Variants in ARCN1 observed in about 807,000 individuals in gnomAD.
ARCN1 encodes the protein archain 1 coat protein complex I subunit delta, also known as coatomer subunit delta.
In ARCN1, 5 loss-of-function variants were observed where a neutral mutation model predicts 60.4. The observed-to-expected ratio is 0.08, with a 90% CI of 0.04 to 0.17. The LOEUF is 0.17. ARCN1 is among the 10% of genes least tolerant of loss of function. The probability of loss-of-function intolerance (pLI) is 1.00; values close to 1 mark genes in which losing one functional copy is unlikely to be tolerated. For synonymous variants in ARCN1, 224 were observed against 220.0 expected, an observed-to-expected ratio of 1.02 and a Z score of -0.16; for missense variants, 464 against 626.5, an observed-to-expected ratio of 0.74 and a Z score of 2.77.
At chr11:118,598,488 A>ATTTTTTT (rs1174732773) in intron 9 of ARCN1, among the ~76,000 whole-genome samples, 1 of 111,130 alleles carries the variant, frequency 9.0e-6, no homozygotes, top group African/African-American at 3.5e-5. Context: ...GTTCCTTCGG[A>ATTTTTTT]TTTTTTTTTT....
chr11:118,581,015 A>T (rs1938637293), intron 1 of ARCN1, among the ~76,000 whole-genome samples: 1 of 152,136 alleles, frequency 6.6e-6, no homozygotes, highest in African/African-American at 2.4e-5. Flanking sequence ...ACACACTTGT[A>T]GTCCCAGCCA....
chr11:118,592,402 C>T (rs1421835187), intron 6 of ARCN1, among the ~76,000 whole-genome samples: 2 of 152,062 alleles, frequency 1.3e-5, no homozygotes, highest in East Asian at 3.9e-4. Context: ...TGAACCTGCT[C>T]CCTGTGAAGT....
At position 118,581,925 on chromosome 11, in the gene ARCN1, G is replaced by GACACACACACACACACAC. The variant is rs1361432735; in HGVS notation, c.267+419_267+420insCACACACACACACACACA. ...GGTAAGACTTACTGATCCAGAGACAGACAGACAGACAGACACACACACACA... is the reference window on the plus strand; with the variant it reads ...GGTAAGACTTACTGATCCAGAGACAGACACACACACACACACACACAGACAGACAGACACACACACACA... On this transcript the variant is annotated intron_variant, in intron 2 of 9. Transcript: ENST00000264028. Among the ~76,000 whole-genome samples, 799 of 121,008 alleles carry GACACACACACACACACAC rather than the reference G, an allele frequency of 6.6e-3. 10 individuals are homozygous for GACACACACACACACACAC. Among genetic ancestry groups the GACACACACACACACACAC allele is most frequent in the Non-Finnish European group, 9.7e-3 (547 of 56,298 alleles). 79.4% of individuals were successfully genotyped at this position (121,008 alleles called of 152,430 possible).
chr11:118,586,222 A>G (rs1280340458), intron 5 of ARCN1, among the ~76,000 whole-genome samples: 3 of 151,938 alleles, frequency 2.0e-5, no homozygotes, highest in Admixed American at 2.0e-4. Flanking sequence ...CAGCCTCCCA[A>G]GTGGCTGGGA....
At chr11:118,583,713 G>A (rs1565361169) in intron 3 of ARCN1, 96 bp from the exon 4 acceptor site, 1 of 1,269,416 alleles carries the variant, frequency 7.9e-7, no homozygotes, top group South Asian at 1.4e-5. Flanking sequence ...AGCTGTGATT[G>A]TGCCACTTGC....
chr11:118,581,394 C>T lies in ARCN1; in HGVS notation c.152C>T (p.Thr51Ile). 2 of 1,614,120 alleles carry T rather than the reference C, an allele frequency of 1.2e-6. No homozygotes were observed. Among genetic ancestry groups the T allele is most frequent in the Middle Eastern group, 1.6e-4 (1 of 6,062 alleles). The stretch of plus-strand genomic sequence containing the variant: ...GGAAAACAACATACGTTTGTTGAAA[C>T]AGAGAGTGTAAGATATGTCTACCAG... ...NTGKQHTFVETESVRYVYQPM... is the reference protein window; with the variant it reads ...NTGKQHTFVEIESVRYVYQPM... The change falls in exon 2 of 10, where the codon ACA becomes ATA. Residue 51 changes from threonine (T) to isoleucine (I), a missense_variant. Physicochemically the swap from Thr to Ile is moderately conservative, Grantham distance 89. Transcript: ENST00000264028.
At chr11:118,574,932 T>G (rs1328983303) in intron 1 of ARCN1, among the ~76,000 whole-genome samples, 2 of 151,894 alleles carry the variant, frequency 1.3e-5, no homozygotes, top group Non-Finnish European at 2.9e-5. Context: ...TGATTTGATC[T>G]TTTTTTTGTA....
At chr11:118,573,122 C>T (rs1938392555) in intron 1 of ARCN1, among the ~76,000 whole-genome samples, 1 of 152,178 alleles carries the variant, frequency 6.6e-6, no homozygotes, top group Admixed American at 6.5e-5. Flanking sequence ...GTATAGGACC[C>T]AAGTGTCTCT....
intron 6 of ARCN1, among the ~76,000 whole-genome samples, chr11:118,591,596 T>G (rs1312690499): frequency 6.6e-6 from 1 of 152,086 alleles, no homozygotes; most frequent in Non-Finnish European, 1.5e-5. Context: ...TTTCACCATG[T>G]TGGCCAAGCT....
intron 6 of ARCN1, among the ~76,000 whole-genome samples, chr11:118,591,111 G>A (rs1938897986): frequency 6.6e-6 from 1 of 152,262 alleles, no homozygotes; most frequent in Admixed American, 6.5e-5. Flanking sequence ...ATCTAATGGT[G>A]TATTTGAAAA....
At chr11:118,598,979 A>C (rs1939091447) in intron 9 of ARCN1, among the ~76,000 whole-genome samples, 1 of 151,066 alleles carries the variant, frequency 6.6e-6, no homozygotes, top group Non-Finnish European at 1.5e-5. Context: ...TTTTTAGTAG[A>C]GACAGGGTTT....
intron 4 of ARCN1, 127 bp from the exon 5 acceptor site, chr11:118,584,353 C>A: frequency 1.2e-6 from 1 of 867,232 alleles, no homozygotes; most frequent in Non-Finnish European, 1.7e-6. Flanking sequence ...GTGAATTACC[C>A]AAAATTATAT....
At chr11:118,594,829 C>T (rs1334178585) in intron 8 of ARCN1, among the ~76,000 whole-genome samples, 4 of 151,958 alleles carry the variant, frequency 2.6e-5, no homozygotes, top group East Asian at 1.9e-4. Flanking sequence ...GGATTATGGG[C>T]GTGAGCCACC....
In ARCN1 at chr11:118,584,024, A is replaced by G. The variant is rs371280810; in HGVS notation, c.653+10A>G. 2 of 1,612,882 alleles carry G rather than the reference A, an allele frequency of 1.2e-6. No individual in the cohort carries two copies. Among genetic ancestry groups the G allele is most frequent in the South Asian group, 2.2e-5 (2 of 91,014 alleles). ...CACCTGCACCAGCCAGGTATAATCC[A>G]GTGTACTTTAGAATACCAGGTGAAG... is the stretch of plus-strand genomic sequence containing the variant. On this transcript the variant is annotated intron_variant, in intron 4 of 9. Coordinates refer to ENST00000264028, the MANE Select transcript of ARCN1 (RefSeq NM_001655.5).
Position 118,597,703 on chromosome 11 carries a change from A to G in ARCN1, c.1242-4A>G, listed in dbSNP as rs1939057769. ...TACCTTGACCAGAATGTTTCTCACAACAGGTCTGGTGTCGGCGCGCCTGTT... is the reference window on the plus strand; with the variant it reads ...TACCTTGACCAGAATGTTTCTCACAGCAGGTCTGGTGTCGGCGCGCCTGTT... On this transcript the variant is annotated splice_region_variant and splice_polypyrimidine_tract_variant and intron_variant, in intron 8 of 9. Coordinates refer to ENST00000264028, the MANE Select transcript of ARCN1 (RefSeq NM_001655.5). The G allele has an allele frequency of 6.2e-7, 1 of 1,613,740 alleles. No homozygotes were observed. The highest frequency in any genetic ancestry group is 8.5e-7 in the Non-Finnish European group (1 of 1,179,920).
chr11:118,590,450 T>C lies in ARCN1; in HGVS notation c.928T>C (p.Tyr310His). The C allele has an allele frequency of 6.2e-7, 1 of 1,614,170 alleles. No individual in the cohort carries two copies. The highest frequency in any genetic ancestry group is 1.3e-5 in the African/African-American group (1 of 75,044). ...CATGCTTAGGATCTCAGATGACAAG[T>C]ATGGCCGAATTCGTCTTCATGTGGA... is the stretch of plus-strand genomic sequence containing the variant. The part of the protein sequence containing the change: ...MIMLRISDDK[Y>H]GRIRLHVENE... Residue 310 changes from tyrosine to histidine, a missense_variant, in exon 6 of 10, where the codon TAT (tyrosine) becomes CAT (histidine). Transcript: ENST00000264028.
At chr11:118,586,941 C>T (rs1211509560) in intron 5 of ARCN1, among the ~76,000 whole-genome samples, 1 of 151,204 alleles carries the variant, frequency 6.6e-6, no homozygotes, top group Non-Finnish European at 1.5e-5. Flanking sequence ...TAAATTGCCT[C>T]TTGAGCACAG....
chr11:118,580,032 G>C (rs537408979), intron 1 of ARCN1, among the ~76,000 whole-genome samples: 1 of 152,088 alleles, frequency 6.6e-6, no homozygotes, highest in Admixed American at 6.6e-5. Context: ...ACATGAAATT[G>C]TGAGTTCTGG....
intron 5 of ARCN1, among the ~76,000 whole-genome samples, chr11:118,586,777 G>A (rs978763681): frequency 5.9e-5 from 9 of 151,438 alleles, no homozygotes; most frequent in Admixed American, 2.0e-4. Context: ...GCTTGAACCC[G>A]GGAAGCAGAG....
Sources: allele counts gnomAD v4.1 joint callset (sites outside exome capture counted in the v4.1 genomes callset), GRCh38; gene constraint gnomAD v4.1.1; transcripts MANE v1.5; gene names NCBI Gene and HGNC (gene_info 2026-07-23, HGNC 2026-07-21).